The following TAAR1 variants were observed in gnomAD, a reference collection of about 807,000 sequenced individuals.
The protein encoded by TAAR1 is trace amine associated receptor 1.
TAAR1 carries 1 observed loss-of-function variant against 1.2 expected under a neutral mutation model. The ratio of observed to expected loss-of-function variants is 0.81; its 90% CI spans 0.29 to 3.86. TAAR1 has a LOEUF of 3.86. Ranked by LOEUF, TAAR1 falls within the 30% of genes most tolerant of loss-of-function variation. The pLI, the probability that TAAR1 is intolerant of heterozygous loss-of-function variation, is 0.18. For synonymous variants in TAAR1, 153 were observed against 132.2 expected (o/e 1.16, Z -1.08); for missense variants, 445 against 405.6 (o/e 1.10, Z -0.83).
chr6:132,647,616 A>AAAG lies in TAAR1; in HGVS notation c.-126-1488_-126-1487insCTT, dbSNP rs1214052432. 5.3e-3 allele frequency among the ~76,000 whole-genome samples: 675 copies of AAAG among 128,500 alleles called. 4 individuals carry two copies. Among genetic ancestry groups the AAAG allele is most frequent in the African/African-American group, 8.4e-3 (293 of 34,848 alleles). The allele number at this position is 128,500 out of a possible 152,430, so 84.3% of individuals were successfully genotyped here. ...AGAAAGAGAAAGAAAAAAGAAAGAA[A>AAAG]GAAAAAGGAAAGAAAGAAAGAAAGA... is the stretch of plus-strand genomic sequence containing the variant. On this transcript the variant is annotated intron_variant, in intron 1 of 1. Transcript: ENST00000275216.
chr6:132,651,573 T>C (rs556652257), intron 1 of TAAR1, among the ~76,000 whole-genome samples: 3 of 152,344 alleles, frequency 2.0e-5, no homozygotes. Context: ...ATAAATGATC[T>C]TGGCCCTTCA....
rs372966216 is a variant in TAAR1 at position 132,654,307 on chromosome 6, T to C, written c.-127+4823A>G. On this transcript the variant is annotated intron_variant, in intron 1 of 1. Coordinates refer to ENST00000275216, the MANE Select transcript of TAAR1 (RefSeq NM_138327.4). Reference sequence around the variant, plus strand: ...GTTGGCTGTCATGTGTTCGCATCAGTGTTTCTGGGGAAATAGACACTGCTG... The same window carrying C: ...GTTGGCTGTCATGTGTTCGCATCAGCGTTTCTGGGGAAATAGACACTGCTG... Among the ~76,000 whole-genome samples the C allele has an allele frequency of 1.7e-4, 26 of 152,360 alleles. No individual in the cohort carries two copies. The South Asian group carries it at 5.2e-3, about 30-fold the overall frequency.
In TAAR1 at chr6:132,645,748, C is replaced by G. The variant is rs1313802114; in HGVS notation, c.256G>C (p.Glu86Gln). Residue 86 changes from glutamate (E) to glutamine (Q), a missense_variant, in exon 2 of 2, where the codon GAG becomes CAG. By Grantham distance (29) the Glu-to-Gln change is conservative. Coordinates refer to ENST00000275216, the MANE Select transcript of TAAR1 (RefSeq NM_138327.4). ...ACTTCTCCAAAATACCAACAGTGCT[C>G]AGCAGATCTCACCATACTGTAAGGC... is the stretch of plus-strand genomic sequence containing the variant. The part of the protein sequence containing the change: ...VMPYSMVRSA[E>Q]HCWYFGEVFC... The G allele has an allele frequency of 6.2e-7, 1 of 1,613,616 alleles. No homozygotes were observed. Among genetic ancestry groups the G allele is most frequent in the Non-Finnish European group, 8.5e-7 (1 of 1,179,840 alleles).
chr6:132,656,830 A>G (rs1777808689), intron 1 of TAAR1, among the ~76,000 whole-genome samples: 1 of 152,240 alleles, frequency 6.6e-6, no homozygotes, highest in South Asian at 2.1e-4. Context: ...TGACAATTCA[A>G]CAATCCTATA....
intron 1 of TAAR1, among the ~76,000 whole-genome samples, chr6:132,657,124 C>T (rs996086697): frequency 3.3e-5 from 5 of 152,078 alleles, no homozygotes; most frequent in South Asian, 2.1e-4. Flanking sequence ...AAACACTTAA[C>T]ATTGGCCTGA....
chr6:132,654,168 GT>G (rs60627695), intron 1 of TAAR1, among the ~76,000 whole-genome samples: 9,063 of 152,238 alleles, frequency 0.06, 307 homozygotes, highest in East Asian at 0.11. Flanking sequence ...AAGAATAGTT[GT>G]TAGGATCAGA....
chr6:132,650,417 C>T (rs1478427090), intron 1 of TAAR1, among the ~76,000 whole-genome samples: 1 of 152,160 alleles, frequency 6.6e-6, no homozygotes, highest in African/African-American at 2.4e-5. Context: ...CTGAATGTGG[C>T]ATAGAAAAAC....
At chr6:132,651,496 C>T (rs753978191) in intron 1 of TAAR1, among the ~76,000 whole-genome samples, 33 of 152,288 alleles carry the variant, frequency 2.2e-4, no homozygotes, top group Admixed American at 1.0e-3. Flanking sequence ...TATTCTTGAA[C>T]GTCCTCCATC....
chr6:132,648,584 T>C (rs994379633), intron 1 of TAAR1, among the ~76,000 whole-genome samples: 51 of 152,200 alleles, frequency 3.4e-4, no homozygotes, highest in African/African-American at 1.1e-3. Context: ...AAATTGTTGA[T>C]AGTATGAATG....
intron 1 of TAAR1, among the ~76,000 whole-genome samples, chr6:132,655,869 T>G (rs909062535): frequency 1.3e-5 from 2 of 152,186 alleles, no homozygotes; most frequent in Non-Finnish European, 2.9e-5. Context: ...GAATTGTAGA[T>G]AGCCTTGATT....
chr6:132,655,572 C>T (rs968768389), intron 1 of TAAR1, among the ~76,000 whole-genome samples: 1 of 151,980 alleles, frequency 6.6e-6, no homozygotes, highest in African/African-American at 2.4e-5. Flanking sequence ...GTCTTGAATG[C>T]CTGGGGCTCC....
chr6:132,657,337 A>G (rs58246339), intron 1 of TAAR1, among the ~76,000 whole-genome samples: 3,330 of 152,058 alleles, frequency 0.022, 122 homozygotes, highest in African/African-American at 0.076. Context: ...TTGTAATAGC[A>G]ACGAAAGAAA....
intron 1 of TAAR1, among the ~76,000 whole-genome samples, chr6:132,647,625 AAAG>A (rs373332821): frequency 0.089 from 8,555 of 96,008 alleles, 458 homozygotes; most frequent in Middle Eastern, 0.16. Context: ...AAGAAAAAGG[AAAG>A]AAAGAAAGAA....
At chr6:132,646,604 T>C (rs1777675525) in intron 1 of TAAR1, among the ~76,000 whole-genome samples, 1 of 152,196 alleles carries the variant, frequency 6.6e-6, no homozygotes, top group Admixed American at 6.6e-5. Context: ...GTAAATTATA[T>C]ATTTCTTATT....
chr6:132,657,568 A>T (rs1397831400), intron 1 of TAAR1, among the ~76,000 whole-genome samples: 2 of 152,032 alleles, frequency 1.3e-5, no homozygotes, highest in Non-Finnish European at 2.9e-5. Flanking sequence ...ATGTCAATAT[A>T]TTGTTAAGTA....
intron 1 of TAAR1, among the ~76,000 whole-genome samples, chr6:132,649,411 A>G (rs371923896): frequency 1.1e-4 from 17 of 152,240 alleles, no homozygotes; most frequent in African/African-American, 4.1e-4. Context: ...ACTCATTGCC[A>G]TTGAAGATCT....
intron 1 of TAAR1, among the ~76,000 whole-genome samples, chr6:132,652,633 T>C (rs1490988055): frequency 6.8e-6 from 1 of 147,294 alleles, no homozygotes; most frequent in African/African-American, 2.5e-5. Flanking sequence ...GAAGTCATCC[T>C]TACTGAACCA....
intron 1 of TAAR1, among the ~76,000 whole-genome samples, chr6:132,652,242 T>C (rs1448525840): frequency 1.3e-5 from 2 of 151,372 alleles, no homozygotes; most frequent in Admixed American, 1.3e-4. Context: ...AAAAAAGAAG[T>C]GATTGAGATA....
At chr6:132,647,233 T>G (rs1156985152) in intron 1 of TAAR1, among the ~76,000 whole-genome samples, 1 of 152,000 alleles carries the variant, frequency 6.6e-6, no homozygotes, top group Non-Finnish European at 1.5e-5. Context: ...AGGCCTCCTC[T>G]TCTTGTACTT....
Sources: gnomAD v4.1 joint callset for allele counts (sites outside exome capture counted in the v4.1 genomes callset) on GRCh38, gnomAD v4.1.1 for gene constraint, MANE v1.5 for transcripts, NCBI Gene and HGNC (gene_info 2026-07-23, HGNC 2026-07-21) for gene names.